The following KIF4A variants were observed in gnomAD, a reference collection of about 807,000 sequenced individuals.
The protein encoded by KIF4A is chromosome-associated kinesin KIF4A.
In KIF4A, 7 loss-of-function variants were observed where a neutral mutation model predicts 105.9. The ratio of observed to expected loss-of-function variants is 0.07; its 90% confidence interval spans 0.04 to 0.12. The LOEUF is 0.12. Among genes scored for constraint, KIF4A ranks in the 10% least tolerant of loss-of-function variants. The pLI is 1.00. For missense variants in KIF4A, 558 were observed against 929.2 expected (o/e 0.60, Z 5.19); for synonymous variants, 281 against 331.3 (o/e 0.85, Z 1.65).
intron 5 of KIF4A, 133 bp from the exon 6 acceptor site, chrX:70,301,767 C>G (rs1199449): frequency 0.061 from 40,559 of 665,881 alleles, 2,527 homozygotes; most frequent in African/African-American, 0.35. Flanking sequence ...TAAAGCAGTT[C>G]TTATCACCAT....
At chrX:70,327,364 G>A (rs1170015212) in intron 7 of KIF4A, among the ~76,000 whole-genome samples, 1 of 110,940 alleles carries the variant, frequency 9.0e-6, no homozygotes, top group East Asian at 2.8e-4. Flanking sequence ...AGATCTAAGA[G>A]AGAGGGAGAA....
intron 18 of KIF4A, among the ~76,000 whole-genome samples, chrX:70,381,851 G>A (rs1428398714): frequency 9.0e-6 from 1 of 111,401 alleles, no homozygotes; most frequent in Admixed American, 9.6e-5. Flanking sequence ...AAATGCAAGG[G>A]ACCTAGAATA....
At chrX:70,305,050 G>T (rs2085821309) in intron 7 of KIF4A, among the ~76,000 whole-genome samples, 1 of 111,132 alleles carries the variant, frequency 9.0e-6, no homozygotes, top group African/African-American at 3.3e-5. Flanking sequence ...AATTTTCTCT[G>T]TTATGAACTT....
At chrX:70,309,832 C>A (rs2085841708) in intron 7 of KIF4A, among the ~76,000 whole-genome samples, 1 of 112,257 alleles carries the variant, frequency 8.9e-6, no homozygotes, top group South Asian at 3.7e-4. Flanking sequence ...TCACTTGAGG[C>A]CAGGAGTTTG....
chrX:70,326,896 GA>G (rs896787678), intron 7 of KIF4A, among the ~76,000 whole-genome samples: 17 of 111,438 alleles, frequency 1.5e-4, no homozygotes, highest in Non-Finnish European at 2.6e-4. Flanking sequence ...TGAAGAAGAA[GA>G]AAAAAAATGC....
At chrX:70,364,681 T>C (rs1338576200) in intron 15 of KIF4A, among the ~76,000 whole-genome samples, 1 of 112,068 alleles carries the variant, frequency 8.9e-6, no homozygotes, top group African/African-American at 3.2e-5. Context: ...GCATGATACC[T>C]CCAACTTTGT....
intron 10 of KIF4A, among the ~76,000 whole-genome samples, chrX:70,335,955 T>C (rs1162063346): frequency 8.9e-6 from 1 of 112,414 alleles, no homozygotes; most frequent in Non-Finnish European, 1.9e-5. Flanking sequence ...CTACCTCTTT[T>C]CTACCATTAT....
At chrX:70,401,404 A>AT (rs773667304) in intron 22 of KIF4A, among the ~76,000 whole-genome samples, 6,254 of 82,437 alleles carry the variant, frequency 0.076, 209 homozygotes, top group Middle Eastern at 0.16. Flanking sequence ...AAGTGAATTA[A>AT]TTTTTTTTTT....
intron 15 of KIF4A, among the ~76,000 whole-genome samples, chrX:70,365,066 TG>T (rs1393678414): frequency 2.7e-5 from 3 of 111,846 alleles, no homozygotes; most frequent in Non-Finnish European, 5.6e-5. Flanking sequence ...TGTATAAGAA[TG>T]CTTGTGATTT....
At chrX:70,330,574 CAG>C (rs1452836310) in intron 9 of KIF4A, among the ~76,000 whole-genome samples, 2 of 111,555 alleles carry the variant, frequency 1.8e-5, no homozygotes, top group Non-Finnish European at 1.9e-5. Context: ...GAGGTGTAGA[CAG>C]GGGCTAAATT....
chrX:70,346,742 G>A (rs954058484), intron 13 of KIF4A, among the ~76,000 whole-genome samples: 1 of 111,150 alleles, frequency 9.0e-6, no homozygotes, highest in Non-Finnish European at 1.9e-5. Flanking sequence ...CAGGAGTCCT[G>A]CTGGACTCCT....
chrX:70,314,309 G>A lies in KIF4A; in HGVS notation c.778+11911G>A, dbSNP rs182545264. 3.6e-5 allele frequency among the ~76,000 whole-genome samples: 4 copies of A among 112,342 alleles called. No homozygotes were observed. In the East Asian group the frequency reaches 1.1e-3, roughly 31 times the overall value. ...ACCCTCTGGAATATTTTCAGAAGGT[G>A]GATATGGCCCGGCAGAATATTGTTA... On this transcript the variant is annotated intron_variant, in intron 7 of 30. Transcript: ENST00000374403.
At chrX:70,353,484 A>C (rs891672584) in intron 14 of KIF4A, 138 bp from the exon 15 acceptor site, 8 of 508,586 alleles carry the variant, frequency 1.6e-5, no homozygotes, top group African/African-American at 2.4e-5. Flanking sequence ...TACTTAAAAC[A>C]AATGTATGCA....
chrX:70,329,560 A>C, intron 8 of KIF4A, 39 bp downstream of exon 8: 13 of 1,049,965 alleles, frequency 1.2e-5, no homozygotes, highest in Non-Finnish European at 1.7e-5. Context: ...AGAGTAACTC[A>C]AAATGATAGT....
At chrX:70,363,812 G>A (rs2086088478) in intron 15 of KIF4A, among the ~76,000 whole-genome samples, 2 of 111,807 alleles carry the variant, frequency 1.8e-5, no homozygotes, top group South Asian at 7.5e-4. Flanking sequence ...CTGAGGAATC[G>A]CCACACTGAC....
intron 15 of KIF4A, 96 bp downstream of exon 15, chrX:70,353,903 G>C: frequency 2.7e-6 from 2 of 731,827 alleles, no homozygotes; most frequent in South Asian, 6.4e-5. Context: ...ATGATGAAAA[G>C]ACAACAAAAT....
At chrX:70,317,881 CTTT>C (rs113324526) in intron 7 of KIF4A, among the ~76,000 whole-genome samples, 6 of 79,428 alleles carry the variant, frequency 7.6e-5, no homozygotes, top group South Asian at 6.9e-4. Context: ...TTCTTTCTTT[CTTT>C]TTTTTTTTTT....
intron 18 of KIF4A, among the ~76,000 whole-genome samples, chrX:70,378,988 C>T (rs2086186161): frequency 9.2e-6 from 1 of 108,146 alleles, no homozygotes; most frequent in African/African-American, 3.4e-5. Flanking sequence ...AACCCCATCT[C>T]TACTAAAAAT....
At chrX:70,293,000 A>G in intron 3 of KIF4A, among the ~76,000 whole-genome samples, 1 of 112,235 alleles carries the variant, frequency 8.9e-6, no homozygotes, top group South Asian at 3.7e-4. Context: ...ACAGAGCCCT[A>G]AGTATTTTGT....
Sources: gnomAD v4.1 joint callset for allele counts (sites outside exome capture counted in the v4.1 genomes callset) on GRCh38, gnomAD v4.1.1 for gene constraint, MANE v1.5 for transcripts, NCBI Gene and HGNC (gene_info 2026-07-23, HGNC 2026-07-21) for gene names.